The following SHROOM2 variants were observed in gnomAD, a reference collection of about 807,000 sequenced individuals.
SHROOM2 encodes shroom family member 2, also known as protein Shroom2.
SHROOM2 carries 33 observed loss-of-function variants against 75.9 expected under a neutral mutation model. The observed-to-expected ratio is 0.43, with a 90% confidence interval of 0.33 to 0.58. The LOEUF (loss-of-function observed/expected upper bound fraction) is 0.58. Ranked by LOEUF, SHROOM2 falls within the 20% of genes least tolerant of loss-of-function variation. The pLI is 0.04. For missense variants in SHROOM2, 1,434 were observed against 1,461.2 expected (o/e 0.98, Z 0.30); for synonymous variants, 655 against 663.6 (o/e 0.99, Z 0.20).
intron 1 of SHROOM2, among the ~76,000 whole-genome samples, chrX:9,814,931 A>T (rs768160566): frequency 4.3e-4 from 48 of 111,319 alleles, no homozygotes; most frequent in African/African-American, 1.4e-3. Context: ...CTGTTTTTCC[A>T]CAATTTCAGC....
At chrX:9,786,967 C>G (rs907265323) in intron 1 of SHROOM2, among the ~76,000 whole-genome samples, 1 of 111,524 alleles carries the variant, frequency 9.0e-6, no homozygotes, top group Admixed American at 9.3e-5. Context: ...CGGGCAGGGG[C>G]CTGGCCGGGT....
In SHROOM2 at chrX:9,795,664, G is replaced by A. The variant is rs763732736; in HGVS notation, c.165+8954G>A. 9.0e-5 allele frequency among the ~76,000 whole-genome samples: 10 copies of A among 111,282 alleles called. 1 individual carries two copies. The highest frequency in any genetic ancestry group is 2.8e-4 in the East Asian group (1 of 3,568). On this transcript the variant is annotated intron_variant, in intron 1 of 9. Coordinates refer to ENST00000380913, the MANE Select transcript of SHROOM2 (RefSeq NM_001649.4). ...CCCCAAAATGCTGTTTGGACACTCC[G>A]TGCATGGGGGTGAGTGATCAGGTGA...
At chrX:9,802,723 AC>A (rs1239181707) in intron 1 of SHROOM2, among the ~76,000 whole-genome samples, 1 of 110,835 alleles carries the variant, frequency 9.0e-6, no homozygotes, top group Non-Finnish European at 1.9e-5. Flanking sequence ...CACAGCTTAC[AC>A]GTAGCCTTGA....
intron 1 of SHROOM2, among the ~76,000 whole-genome samples, chrX:9,861,546 C>G (rs1271745804): frequency 8.9e-6 from 1 of 112,065 alleles, no homozygotes; most frequent in Non-Finnish European, 1.9e-5. Flanking sequence ...TTGTCACTGT[C>G]CCTGAGAGTG....
chrX:9,854,381 G>A (rs1376154174), intron 1 of SHROOM2, among the ~76,000 whole-genome samples: 1 of 111,733 alleles, frequency 8.9e-6, no homozygotes, highest in Non-Finnish European at 1.9e-5. Flanking sequence ...GTTGGATAGC[G>A]GGAGGAGACT....
At chrX:9,865,718 A>G (rs111969539) in intron 1 of SHROOM2, among the ~76,000 whole-genome samples, 3,331 of 107,596 alleles carry the variant, frequency 0.031, 118 homozygotes, top group African/African-American at 0.092. Context: ...CCGCCACCAC[A>G]CCTGGATAAT....
intron 5 of SHROOM2, among the ~76,000 whole-genome samples, chrX:9,915,838 A>G (rs1250416508): frequency 8.9e-6 from 1 of 112,375 alleles, no homozygotes; most frequent in Middle Eastern, 4.6e-3. Context: ...TAGGCAGGCA[A>G]TGATCTGAGA....
intron 6 of SHROOM2, among the ~76,000 whole-genome samples, chrX:9,935,794 C>T (rs770837717): frequency 9.8e-4 from 109 of 111,694 alleles, no homozygotes; most frequent in Middle Eastern, 4.6e-3. Context: ...TGTGTAACAT[C>T]GTAGGGGCAG....
chrX:9,885,140 T>A (rs1372608215), intron 2 of SHROOM2, among the ~76,000 whole-genome samples: 1 of 111,904 alleles, frequency 8.9e-6, no homozygotes, highest in East Asian at 2.8e-4. Context: ...AGAAAGGCAC[T>A]CGTCAAGTCT....
rs183904259 is a variant in SHROOM2 at position 9,805,836 on chromosome X, G to A, written c.165+19126G>A. ...GTGGCATCGCTTGAACCTGGGAGGC[G>A]GAGGTTGCAGTGAGCTGAGATCACG... On this transcript the variant is annotated intron_variant, in intron 1 of 9. Coordinates refer to ENST00000380913, the MANE Select transcript of SHROOM2 (RefSeq NM_001649.4). Among the ~76,000 whole-genome samples the A allele has an allele frequency of 2.8e-3, 304 of 108,366 alleles. 3 individuals carry two copies. Among genetic ancestry groups the A allele is most frequent in the African/African-American group, 9.7e-3 (289 of 29,833 alleles). The allele number at this position is 108,366 out of a possible 115,157, so 94.1% of individuals were successfully genotyped here. A position where few individuals can be genotyped will look rare whatever the true frequency, so the allele number is the denominator to read the frequency against.
rs192079747 is a variant in SHROOM2, at chrX:9,936,845, C to T, written c.3588-289C>T. Among the ~76,000 whole-genome samples, 376 of 112,265 alleles carry T rather than the reference C, an allele frequency of 3.3e-3. 3 individuals are homozygous for T. Among genetic ancestry groups the T allele is most frequent in the African/African-American group, 0.011 (345 of 30,944 alleles). On this transcript the variant is annotated intron_variant, in intron 6 of 9. Coordinates refer to ENST00000380913, the MANE Select transcript of SHROOM2 (RefSeq NM_001649.4). ...GACAAATGGTATTAAATAGTCCTCA[C>T]AGCCCTCCACGAACCCCTGGAGGAC...
chrX:9,791,973 A>C (rs1400244485), intron 1 of SHROOM2, among the ~76,000 whole-genome samples: 1 of 29 alleles, frequency 0.034, no homozygotes, highest in Non-Finnish European at 0.17. Context: ...CATCTCGAGA[A>C]TAGAATAGAA....
At chrX:9,800,936 A>T (rs1389615860) in intron 1 of SHROOM2, among the ~76,000 whole-genome samples, 1 of 111,402 alleles carries the variant, frequency 9.0e-6, no homozygotes, top group Non-Finnish European at 1.9e-5. Context: ...TGTTTTATCG[A>T]TCCTGCCTAT....
intron 1 of SHROOM2, among the ~76,000 whole-genome samples, chrX:9,834,139 A>C (rs140103596): frequency 0.014 from 1,577 of 112,248 alleles, 23 homozygotes; most frequent in African/African-American, 0.049. Context: ...CCAGTGCGCA[A>C]GATGCCCCCC....
chrX:9,873,897 A>G, intron 2 of SHROOM2, 94 bp downstream of exon 2: 1 of 952,154 alleles, frequency 1.1e-6, no homozygotes, highest in South Asian at 2.4e-5. Context: ...ACATCACTAC[A>G]GAGATCTCGA....
chrX:9,933,006 A>T, intron 6 of SHROOM2, 136 bp downstream of exon 6: 2 of 493,899 alleles, frequency 4.0e-6, no homozygotes, highest in South Asian at 3.9e-5. Context: ...GTACTGGGGA[A>T]TAACTGTGTG....
chrX:9,902,862 G>A (rs948554029), intron 5 of SHROOM2, among the ~76,000 whole-genome samples: 3 of 111,473 alleles, frequency 2.7e-5, no homozygotes, highest in African/African-American at 6.5e-5. Flanking sequence ...TTCCGCCCCC[G>A]CCTGCAGGAG....
intron 1 of SHROOM2, among the ~76,000 whole-genome samples, chrX:9,856,819 T>C (rs2084073257): frequency 8.9e-6 from 1 of 112,148 alleles, no homozygotes. Context: ...GTACCAGACA[T>C]TTCTGCCCCT....
intron 9 of SHROOM2, 132 bp downstream of exon 9, chrX:9,945,045 C>T: frequency 1.6e-6 from 1 of 612,158 alleles, no homozygotes; most frequent in South Asian, 2.9e-5. Context: ...CTCCTGCAGA[C>T]CTTGTCGAGA....
Sources: allele counts gnomAD v4.1 joint callset (sites outside exome capture counted in the v4.1 genomes callset), GRCh38; gene constraint gnomAD v4.1.1; transcripts MANE v1.5; gene names NCBI Gene and HGNC (gene_info 2026-07-23, HGNC 2026-07-21).